The following GLIS1 variants were observed in gnomAD, a reference collection of about 807,000 sequenced individuals.
The protein encoded by GLIS1 is GLIS family zinc finger 1.
Under a neutral mutation model 63.8 loss-of-function variants are expected in GLIS1, and 24 were observed. That is an observed-to-expected ratio of 0.38 (90% confidence interval 0.27 to 0.53). GLIS1 has a LOEUF of 0.53. GLIS1 is among the 20% of genes least tolerant of loss of function. The probability of loss-of-function intolerance (pLI) is 0.85; values close to 1 mark genes in which losing one functional copy is unlikely to be tolerated. For synonymous variants in GLIS1, 450 were observed against 482.5 expected (o/e 0.93, Z 0.88); for missense variants, 1,036 against 1,074.1 (o/e 0.96, Z 0.50).
At chr1:53,522,739 A>G (rs1644422494) in intron 6 of GLIS1, among the ~76,000 whole-genome samples, 1 of 151,914 alleles carries the variant, frequency 6.6e-6, no homozygotes, top group African/African-American at 2.4e-5. Flanking sequence ...TGAAACCTCT[A>G]TCTCTACAAA....
chr1:53,724,780 C>A (rs1428831765), intron 2 of GLIS1, among the ~76,000 whole-genome samples: 1 of 152,178 alleles, frequency 6.6e-6, no homozygotes, highest in Non-Finnish European at 1.5e-5. Context: ...TTCAAGCAAT[C>A]CTCCTGTCTC....
At chr1:53,608,280 C>T (rs1369928776) in intron 2 of GLIS1, among the ~76,000 whole-genome samples, 1 of 152,184 alleles carries the variant, frequency 6.6e-6, no homozygotes, top group Non-Finnish European at 1.5e-5. Context: ...TTCTTAAAAG[C>T]ATACTAGTCC....
intron 2 of GLIS1, among the ~76,000 whole-genome samples, chr1:53,691,610 G>A (rs72660653): frequency 2.0e-5 from 3 of 151,466 alleles, no homozygotes; most frequent in South Asian, 2.1e-4. Flanking sequence ...CCCAACAACC[G>A]CCTCGCCTGG....
At chr1:53,512,881 C>T (rs1224397014) in intron 8 of GLIS1, among the ~76,000 whole-genome samples, 1 of 151,952 alleles carries the variant, frequency 6.6e-6, no homozygotes, top group Non-Finnish European at 1.5e-5. Context: ...GAGCAGGTGG[C>T]CTGAGCAGCT....
chr1:53,665,599 T>C lies in GLIS1; in HGVS notation c.260-65321A>G, dbSNP rs994568627. On this transcript the variant is annotated intron_variant, in intron 2 of 10. Transcript: ENST00000628545. ...AGGTGTTCGATGCTGCAGTGAGCTA[T>C]GATCATGCCACTGCACTCCAGCCTG... is the stretch of plus-strand genomic sequence containing the variant. 2.0e-5 allele frequency among the ~76,000 whole-genome samples: 3 copies of C among 152,250 alleles called. No homozygotes were observed. In the East Asian group the frequency reaches 5.8e-4, roughly 29 times the overall value.
chr1:53,531,248 G>C (rs942131921), intron 4 of GLIS1, among the ~76,000 whole-genome samples: 31 of 152,318 alleles, frequency 2.0e-4, no homozygotes, highest in African/African-American at 7.5e-4. Context: ...CCAACCATGA[G>C]CACCTAACCC....
rs1645014971 is a variant in GLIS1, at chr1:53,574,697, C to G, written c.1320+19411G>C. On this transcript the variant is annotated intron_variant, in intron 4 of 10. Coordinates refer to ENST00000628545, the MANE Select transcript of GLIS1 (RefSeq NM_001367484.1). The surrounding 1 kb of genome is among the most constrained non-coding windows in gnomAD (Gnocchi z 4.2). ...CCCAATATGAGTAAAGGAAGCAGCC[C>G]CACCTGGGCCTTGTGTCTAAGCCAC... 6.6e-6 allele frequency among the ~76,000 whole-genome samples: 1 copy of G among 152,212 alleles called. No individual in the cohort carries two copies. The highest frequency in any genetic ancestry group is 2.1e-4 in the South Asian group (1 of 4,832).
chr1:53,704,752 C>T (rs1646559952), intron 2 of GLIS1, among the ~76,000 whole-genome samples: 1 of 152,174 alleles, frequency 6.6e-6, no homozygotes, highest in African/African-American at 2.4e-5. Flanking sequence ...GCTCTAGCAG[C>T]CCCCAAACCT....
intron 2 of GLIS1, among the ~76,000 whole-genome samples, chr1:53,670,818 G>C (rs757725834): frequency 7.2e-5 from 11 of 152,216 alleles, no homozygotes; most frequent in Non-Finnish European, 1.3e-4. Context: ...CTGACCCATG[G>C]GAGGAGCTTA....
rs1645070885 is a variant in GLIS1 at position 53,580,145 on chromosome 1, A to T, written c.1320+13963T>A. 3.3e-5 allele frequency among the ~76,000 whole-genome samples: 5 copies of T among 152,204 alleles called. No homozygotes were observed. The South Asian group carries it at 1.0e-3, about 32-fold the overall frequency. ...ATGCCTGCAGGCTTACCTGAACCCC[A>T]TGCCACCTCTTACTGGCCATGGGAC... On this transcript the variant is annotated intron_variant, in intron 4 of 10. Transcript: ENST00000628545.
intron 2 of GLIS1, among the ~76,000 whole-genome samples, chr1:53,656,213 G>A (rs1251064500): frequency 1.3e-5 from 2 of 152,140 alleles, no homozygotes; most frequent in Non-Finnish European, 2.9e-5. Flanking sequence ...AAACAGGGAG[G>A]GAGGCAGAAG....
At chr1:53,527,146 C>T (rs1644478712) in intron 5 of GLIS1, among the ~76,000 whole-genome samples, 1 of 152,260 alleles carries the variant, frequency 6.6e-6, no homozygotes, top group Non-Finnish European at 1.5e-5. Context: ...CCCAAGATCC[C>T]ACAGCGGGGA....
chr1:53,517,271 A>AC (rs1410114986), intron 7 of GLIS1, among the ~76,000 whole-genome samples: 1 of 151,786 alleles, frequency 6.6e-6, no homozygotes, highest in African/African-American at 2.4e-5. Context: ...CTGCTGTGAG[A>AC]CCCAGGGGCT....
At chr1:53,595,658 T>C (rs1419029493) in intron 3 of GLIS1, among the ~76,000 whole-genome samples, 1 of 152,196 alleles carries the variant, frequency 6.6e-6, no homozygotes, top group Non-Finnish European at 1.5e-5. Flanking sequence ...GAGGCTGGCA[T>C]TTTGAGGAAC....
intron 2 of GLIS1, among the ~76,000 whole-genome samples, chr1:53,721,885 C>T (rs1353285527): frequency 1.3e-5 from 2 of 152,108 alleles, no homozygotes; most frequent in African/African-American, 4.8e-5. Context: ...ACAGCAGACT[C>T]ATAAAAATAT....
At chr1:53,623,248 G>T (rs1009237880) in intron 2 of GLIS1, among the ~76,000 whole-genome samples, 1 of 152,136 alleles carries the variant, frequency 6.6e-6, no homozygotes, top group Admixed American at 6.5e-5. Context: ...GGTTTAGAGA[G>T]TATAAGGTTC....
chr1:53,687,917 T>G (rs1223378918), intron 2 of GLIS1, among the ~76,000 whole-genome samples: 1 of 152,148 alleles, frequency 6.6e-6, no homozygotes, highest in Non-Finnish European at 1.5e-5. Flanking sequence ...GTCCACCACA[T>G]CATAGATGAG....
chr1:53,605,390 ACCT>A (rs1377655618), intron 2 of GLIS1, among the ~76,000 whole-genome samples: 2 of 151,764 alleles, frequency 1.3e-5, no homozygotes, highest in African/African-American at 4.8e-5. Flanking sequence ...GCAGAAGCAC[ACCT>A]CCTCCTGGAA....
chr1:53,568,105 C>G (rs538495136), intron 4 of GLIS1, among the ~76,000 whole-genome samples: 1 of 152,198 alleles, frequency 6.6e-6, no homozygotes, highest in African/African-American at 2.4e-5. Flanking sequence ...TGAAAGCAGC[C>G]GCGGGGGCTG....
Sources: gnomAD v4.1 joint callset for allele counts (sites outside exome capture counted in the v4.1 genomes callset) on GRCh38, gnomAD v4.1.1 for gene constraint, Gnocchi (gnomAD v3.1) non-coding constraint, MANE v1.5 for transcripts, NCBI Gene and HGNC (gene_info 2026-07-23, HGNC 2026-07-21) for gene names.